Variants in GALNT14 observed in about 807,000 individuals in gnomAD.
GALNT14 encodes UDP-GalNAc:polypeptide N-acetylgalactosaminyltransferase 14.
A neutral mutation model predicts 77.5 loss-of-function variants in GALNT14; 60 were observed. The observed-to-expected ratio is 0.77, with a 90% CI of 0.63 to 0.96. The LOEUF is 0.96. GALNT14 is among the 40% of genes least tolerant of loss of function. The probability of loss-of-function intolerance (pLI) is 0.00; values close to 1 mark genes in which losing one functional copy is unlikely to be tolerated. For synonymous variants in GALNT14, 280 were observed against 281.7 expected (o/e 0.99, Z 0.06); for missense variants, 710 against 731.0 (o/e 0.97, Z 0.33).
intron 13 of GALNT14, among the ~76,000 whole-genome samples, chr2:30,916,050 A>G (rs1052420723): frequency 2.0e-5 from 3 of 152,168 alleles, no homozygotes; most frequent in African/African-American, 7.2e-5. Flanking sequence ...GAACTCCCCA[A>G]ACCTCCATGA....
intron 13 of GALNT14, among the ~76,000 whole-genome samples, chr2:30,917,464 C>G (rs1301381186): frequency 6.6e-6 from 1 of 152,200 alleles, no homozygotes; most frequent in African/African-American, 2.4e-5. Flanking sequence ...CTGAACCATG[C>G]CCTGGCATTA....
intron 1 of GALNT14, among the ~76,000 whole-genome samples, chr2:31,120,565 A>T (rs1345181029): frequency 6.7e-6 from 1 of 149,372 alleles, no homozygotes; most frequent in African/African-American, 2.5e-5. Flanking sequence ...CCATGAACAC[A>T]TTTTTTTTTT....
intron 1 of GALNT14, among the ~76,000 whole-genome samples, chr2:31,067,262 G>C (rs1439631307): frequency 6.6e-6 from 1 of 152,186 alleles, no homozygotes; most frequent in East Asian, 1.9e-4. Context: ...AATGGCAGCA[G>C]GAACCTCTGA....
At chr2:31,130,806 CTGTGTGTGTATA>C (rs1678958995) in intron 1 of GALNT14, among the ~76,000 whole-genome samples, 3 of 100,886 alleles carry the variant, frequency 3.0e-5, no homozygotes, top group African/African-American at 1.2e-4. Flanking sequence ...GTGTGTGTGC[CTGTGTGTGTATA>C]TGTGTGTGTT....
At chr2:31,102,257 T>C (rs946155097) in intron 1 of GALNT14, among the ~76,000 whole-genome samples, 1 of 152,294 alleles carries the variant, frequency 6.6e-6, no homozygotes, top group Middle Eastern at 3.4e-3. Flanking sequence ...GATTAATTCA[T>C]GTTTGATCAT....
At chr2:31,050,324 G>A (rs4952040) in intron 1 of GALNT14, among the ~76,000 whole-genome samples, 47,141 of 151,964 alleles carry the variant, frequency 0.31, 7,676 homozygotes, top group East Asian at 0.45. Flanking sequence ...CGGCCGAGGC[G>A]GCTCCCTTCT....
intron 6 of GALNT14, among the ~76,000 whole-genome samples, chr2:30,955,075 C>T (rs1052969386): frequency 2.6e-5 from 4 of 152,118 alleles, no homozygotes; most frequent in Non-Finnish European, 5.9e-5. Flanking sequence ...GTAATTGAGA[C>T]ACTGGAGGAA....
chr2:30,988,335 G>C (rs1669447742), intron 2 of GALNT14, among the ~76,000 whole-genome samples: 2 of 152,240 alleles, frequency 1.3e-5, no homozygotes, highest in South Asian at 4.2e-4. Context: ...AATATGATTG[G>C]GTGTCCTCAA....
chr2:30,930,652 G>T (rs1665670128), intron 10 of GALNT14, among the ~76,000 whole-genome samples: 1 of 152,212 alleles, frequency 6.6e-6, no homozygotes, highest in Non-Finnish European at 1.5e-5. Context: ...ACTGAAAAGG[G>T]GGTGCTCTTT....
intron 2 of GALNT14, among the ~76,000 whole-genome samples, chr2:30,971,299 G>A (rs1020274138): frequency 1.3e-5 from 2 of 152,110 alleles, no homozygotes; most frequent in East Asian, 1.9e-4. Context: ...GAGCAAGTAC[G>A]TTGATAATTT....
intron 1 of GALNT14, among the ~76,000 whole-genome samples, chr2:31,007,310 G>A (rs1401788390): frequency 6.6e-6 from 1 of 152,142 alleles, no homozygotes; most frequent in Non-Finnish European, 1.5e-5. Context: ...AACGCAGCAG[G>A]AACCTCGCCC....
At chr2:30,899,555 C>T in the GALNT14 span, among the ~76,000 whole-genome samples, 18 of 151,440 alleles carry the variant, frequency 1.2e-4, no homozygotes, top group South Asian at 1.0e-3. Flanking sequence ...ATAGAAGATG[C>T]GTCTCTCACC....
intron 12 of GALNT14, 70 bp from the exon 13 acceptor site, chr2:30,924,333 G>A (rs1455110627): frequency 6.5e-7 from 1 of 1,532,810 alleles, no homozygotes; most frequent in Non-Finnish European, 9.0e-7. Flanking sequence ...CAGCTGGAGA[G>A]GGTGGGCAGT....
chr2:31,061,396 T>C (rs1383280359), intron 1 of GALNT14, among the ~76,000 whole-genome samples: 1 of 152,146 alleles, frequency 6.6e-6, no homozygotes, highest in Non-Finnish European at 1.5e-5. Flanking sequence ...CTCTCTCTCA[T>C]TTAAAATAAA....
intron 2 of GALNT14, among the ~76,000 whole-genome samples, chr2:30,977,079 T>C (rs1443688133): frequency 1.3e-5 from 2 of 149,786 alleles, no homozygotes; most frequent in East Asian, 3.9e-4. Context: ...TTATTCCATA[T>C]TGGCTTTTCT....
At chr2:30,991,169 T>C (rs1669672829) in intron 2 of GALNT14, 1 of 151,866 alleles carries the variant, frequency 6.6e-6, no homozygotes, top group Admixed American at 6.6e-5. Context: ...TTTCTGCAGG[T>C]GGGAGCAGTC....
rs140258556 is a variant in GALNT14 at position 31,069,598 on chromosome 2, C to G, written c.129+68360G>C. 7.3e-3 allele frequency among the ~76,000 whole-genome samples: 1,115 copies of G among 152,270 alleles called. 10 individuals carry two copies. Among genetic ancestry groups the G allele is most frequent in the African/African-American group, 0.026 (1,063 of 41,536 alleles). ...GGATTTAAACACATGCAGTCTGTCT[C>G]CAGCCTTCCCTTTTAACCCTGACCC... On this transcript the variant is annotated intron_variant, in intron 1 of 14. Coordinates refer to ENST00000349752, the MANE Select transcript of GALNT14 (RefSeq NM_024572.4).
intron 1 of GALNT14, chr2:31,079,034 G>A (rs1207483119): frequency 7.0e-6 from 9 of 1,277,346 alleles, no homozygotes; most frequent in African/African-American, 3.1e-5. Flanking sequence ...GAAATGGGTA[G>A]GCTCAGGTGT....
At chr2:31,116,810 C>T (rs771486881) in intron 1 of GALNT14, among the ~76,000 whole-genome samples, 1 of 152,088 alleles carries the variant, frequency 6.6e-6, no homozygotes, top group Non-Finnish European at 1.5e-5. Context: ...TTTGGGAGGC[C>T]GAGGCAGGCA....
Sources: gnomAD v4.1 joint callset for allele counts (sites outside exome capture counted in the v4.1 genomes callset) on GRCh38, gnomAD v4.1.1 for gene constraint, MANE v1.5 for transcripts, NCBI Gene and HGNC (gene_info 2026-07-23, HGNC 2026-07-21) for gene names.